Variants in EPB41L2 observed in about 807,000 individuals in gnomAD.
EPB41L2 encodes erythrocyte membrane protein band 4.1 like 2.
EPB41L2 carries 43 observed loss-of-function variants against 113.0 expected under a neutral mutation model. The observed-to-expected ratio is 0.38, with a 90% CI of 0.30 to 0.49. The LOEUF (loss-of-function observed/expected upper bound fraction) is 0.49, where lower values mean the gene tolerates loss of function less well. EPB41L2 is among the 20% of genes least tolerant of loss of function. The pLI is 0.95. For missense variants in EPB41L2, 1,147 were observed against 1,223.4 expected, an observed-to-expected ratio of 0.94 and a Z score of 0.93; for synonymous variants, 442 against 436.7, an observed-to-expected ratio of 1.01 and a Z score of -0.15.
chr6:130,858,638 C>T (rs1216707292), intron 18 of EPB41L2, among the ~76,000 whole-genome samples: 1 of 151,246 alleles, frequency 6.6e-6, no homozygotes, highest in Non-Finnish European at 1.5e-5. Flanking sequence ...TGCTGTAAAG[C>T]AGCCAGCACA....
intron 1 of EPB41L2, among the ~76,000 whole-genome samples, chr6:130,974,044 C>A (rs1340157233): frequency 6.6e-6 from 1 of 152,164 alleles, no homozygotes; most frequent in African/African-American, 2.4e-5. Context: ...TCTTCTCTTA[C>A]TCTCTTACTC....
chr6:130,852,136 T>A (rs1220375697), intron 19 of EPB41L2, among the ~76,000 whole-genome samples: 1 of 152,210 alleles, frequency 6.6e-6, no homozygotes, highest in Non-Finnish European at 1.5e-5. Flanking sequence ...CCTTGTAAGT[T>A]ATAAAAAGTT....
At chr6:130,860,303 A>C (rs976936367) in intron 18 of EPB41L2, among the ~76,000 whole-genome samples, 1 of 152,252 alleles carries the variant, frequency 6.6e-6, no homozygotes, top group African/African-American at 2.4e-5. Flanking sequence ...AATGTAGATG[A>C]TGCCCAAGGG....
intron 1 of EPB41L2, among the ~76,000 whole-genome samples, chr6:131,016,848 C>CAAA (rs10687764): frequency 7.1e-6 from 1 of 140,718 alleles, no homozygotes; most frequent in Non-Finnish European, 1.6e-5. Context: ...TATTCGCACA[C>CAAA]AAAAAAAAAA....
intron 3 of EPB41L2, among the ~76,000 whole-genome samples, chr6:130,954,889 A>C (rs1343393005): frequency 6.6e-6 from 1 of 152,260 alleles, no homozygotes; most frequent in Non-Finnish European, 1.5e-5. Context: ...CGAACCAGTA[A>C]ACACGGCTAG....
At chr6:131,040,713 C>T (rs1794295221) in intron 1 of EPB41L2, among the ~76,000 whole-genome samples, 2 of 152,180 alleles carry the variant, frequency 1.3e-5, no homozygotes, top group Admixed American at 1.3e-4. Flanking sequence ...TCAATCTTAG[C>T]TTCACTAATA....
intron 1 of EPB41L2, among the ~76,000 whole-genome samples, chr6:130,975,934 A>G (rs1778091393): frequency 6.6e-6 from 1 of 152,212 alleles, no homozygotes; most frequent in Non-Finnish European, 1.5e-5. Flanking sequence ...AGGCTGAGGC[A>G]GGAGAATCAC....
At chr6:130,989,433 C>T (rs1781325160) in intron 1 of EPB41L2, among the ~76,000 whole-genome samples, 3 of 151,646 alleles carry the variant, frequency 2.0e-5, no homozygotes, top group Non-Finnish European at 4.4e-5. Context: ...CAATTTTGAA[C>T]ACAGCTTGAC....
chr6:130,871,616 T>C lies in EPB41L2; in HGVS notation c.2044-1490A>G, dbSNP rs556987123. On this transcript the variant is annotated intron_variant, in intron 14 of 19. Transcript: ENST00000337057. ...ACAAACTCTCTTGGACCTGCCCTATTATTCTTAAACACATGGTAAGGGCAT... is the reference window on the plus strand; with the variant it reads ...ACAAACTCTCTTGGACCTGCCCTATCATTCTTAAACACATGGTAAGGGCAT... 9.2e-5 allele frequency among the ~76,000 whole-genome samples: 14 copies of C among 152,304 alleles called. No individual in the cohort carries two copies. In the East Asian group the frequency reaches 2.7e-3, roughly 29 times the overall value.
At chr6:131,045,884 A>G (rs1795341889) in intron 1 of EPB41L2, among the ~76,000 whole-genome samples, 1 of 152,122 alleles carries the variant, frequency 6.6e-6, no homozygotes. Flanking sequence ...ATAAAGATAT[A>G]AAGATACCAT....
At chr6:130,914,419 C>A (rs1010555231) in intron 4 of EPB41L2, among the ~76,000 whole-genome samples, 1 of 152,184 alleles carries the variant, frequency 6.6e-6, no homozygotes, top group Non-Finnish European at 1.5e-5. Context: ...AAAATAGGGT[C>A]ACTGTATTCA....
At chr6:130,843,305 T>C (rs899824353) in intron 19 of EPB41L2, among the ~76,000 whole-genome samples, 1 of 152,214 alleles carries the variant, frequency 6.6e-6, no homozygotes, top group African/African-American at 2.4e-5. Context: ...ATAAACTTAA[T>C]ATCTGACAAT....
At chr6:131,019,253 G>GT (rs1379360536) in intron 1 of EPB41L2, among the ~76,000 whole-genome samples, 1 of 152,088 alleles carries the variant, frequency 6.6e-6, no homozygotes, top group Non-Finnish European at 1.5e-5. Flanking sequence ...AGGAAACAGA[G>GT]TTTTGCATTT....
At chr6:130,909,440 C>A (rs1388435763) in intron 4 of EPB41L2, among the ~76,000 whole-genome samples, 1 of 152,166 alleles carries the variant, frequency 6.6e-6, no homozygotes, top group Non-Finnish European at 1.5e-5. Flanking sequence ...TAACACCCTT[C>A]TTTCTTCTTA....
intron 1 of EPB41L2, among the ~76,000 whole-genome samples, chr6:131,031,090 TA>T (rs1237163854): frequency 1.4e-4 from 20 of 144,296 alleles, no homozygotes; most frequent in Admixed American, 2.8e-4. Context: ...AGAGCCTGTC[TA>T]AAAAAAAAAA....
Position 130,890,477 on chromosome 6 carries a change from A to G in EPB41L2, c.1488-11T>C, listed in dbSNP as rs1476995620. 1.4e-4 allele frequency: 14 copies of G among 99,264 alleles called. No homozygotes were observed. Among genetic ancestry groups the G allele is most frequent in the Admixed American group, 5.4e-4 (3 of 5,532 alleles). 6.1% of individuals were successfully genotyped at this position (99,264 alleles called of 1,614,324 possible). ...TCTGGAGAAACAAGCCTATGGGAGG[A>G]AAAAAAAAAAAAAAGAGAGAGAGAA... On this transcript the variant is annotated splice_polypyrimidine_tract_variant and intron_variant, in intron 10 of 19. Transcript: ENST00000337057.
intron 19 of EPB41L2, among the ~76,000 whole-genome samples, chr6:130,841,491 C>T (rs766785204): frequency 7.9e-5 from 12 of 152,060 alleles, no homozygotes; most frequent in Non-Finnish European, 1.6e-4. Flanking sequence ...AAGCTGAAGC[C>T]GGCAAGGAGT....
At chr6:130,947,222 C>G (rs901476491) in intron 3 of EPB41L2, among the ~76,000 whole-genome samples, 3 of 152,152 alleles carry the variant, frequency 2.0e-5, no homozygotes, top group Non-Finnish European at 4.4e-5. Context: ...TCACCCTACT[C>G]TCTATAAGAT....
rs544160392 is a variant in EPB41L2 at position 130,839,768 on chromosome 6, T to A, written c.*836A>T. 5.9e-5 allele frequency: 9 copies of A among 152,376 alleles called. No individual in the cohort carries two copies. Among genetic ancestry groups the A allele is most frequent in the Admixed American group, 2.0e-4 (3 of 15,310 alleles). 9.4% of individuals were successfully genotyped at this position (152,376 alleles called of 1,614,324 possible). A position where few individuals can be genotyped will look rare whatever the true frequency, so the allele number is the denominator to read the frequency against. The stretch of plus-strand genomic sequence containing the variant: ...TGTTAAGAAAGAAAGCACTAAGGTT[T>A]TAAGCTGCCTGAATCTTTTAGTAGA... On this transcript the variant is annotated 3_prime_UTR_variant, in exon 20 of 20. Coordinates refer to ENST00000337057, the MANE Select transcript of EPB41L2 (RefSeq NM_001431.4).
Sources: allele counts gnomAD v4.1 joint callset (sites outside exome capture counted in the v4.1 genomes callset), GRCh38; gene constraint gnomAD v4.1.1; transcripts MANE v1.5; gene names NCBI Gene and HGNC (gene_info 2026-07-23, HGNC 2026-07-21).